The following CTNNA3 variants were observed in gnomAD, a reference collection of about 807,000 sequenced individuals.
CTNNA3 encodes the protein catenin alpha-3.
CTNNA3 carries 76 observed loss-of-function variants against 95.7 expected under a neutral mutation model. That is an observed-to-expected ratio of 0.79 (90% CI 0.66 to 0.96). The LOEUF (loss-of-function observed/expected upper bound fraction) is 0.96, where lower values mean the gene tolerates loss of function less well. Among genes scored for constraint, CTNNA3 ranks in the 40% least tolerant of loss-of-function variants. CTNNA3 has a pLI of 0.00. For synonymous variants in CTNNA3, 431 were observed against 374.4 expected, an observed-to-expected ratio of 1.15 and a Z score of -1.74; for missense variants, 1,191 against 1,089.8, an observed-to-expected ratio of 1.09 and a Z score of -1.31.
intron 2 of CTNNA3, among the ~76,000 whole-genome samples, chr10:67,642,725 A>G (rs1279364411): frequency 3.3e-5 from 5 of 152,072 alleles, no homozygotes; most frequent in African/African-American, 1.2e-4. Context: ...TCAAAAAAAA[A>G]AAGTTCAACA....
At chr10:66,396,269 G>T (rs1432980892) in intron 11 of CTNNA3, among the ~76,000 whole-genome samples, 1 of 151,868 alleles carries the variant, frequency 6.6e-6, no homozygotes, top group African/African-American at 2.4e-5. Flanking sequence ...TTATTGAACT[G>T]AATAAACTAT....
chr10:67,351,226 G>A (rs1842626414), intron 5 of CTNNA3, among the ~76,000 whole-genome samples: 1 of 151,740 alleles, frequency 6.6e-6, no homozygotes. Flanking sequence ...ACTTCAAAGG[G>A]AGAAGATAAG....
intron 16 of CTNNA3, among the ~76,000 whole-genome samples, chr10:65,982,865 T>C (rs932728391): frequency 6.6e-6 from 1 of 151,364 alleles, no homozygotes; most frequent in African/African-American, 2.4e-5. Context: ...ATTATATCCT[T>C]AGGAGTTGTG....
intron 11 of CTNNA3, among the ~76,000 whole-genome samples, chr10:66,426,902 T>A (rs777094578): frequency 6.6e-6 from 1 of 151,720 alleles, no homozygotes; most frequent in Admixed American, 6.6e-5. Context: ...TTTTTTCATA[T>A]ATATTTTAAA....
chr10:66,605,627 A>G (rs1428860175), intron 10 of CTNNA3, among the ~76,000 whole-genome samples: 1 of 152,210 alleles, frequency 6.6e-6, no homozygotes, highest in Non-Finnish European at 1.5e-5. Context: ...AAACCCTACA[A>G]GCCAGAAGAG....
intron 7 of CTNNA3, among the ~76,000 whole-genome samples, chr10:66,992,519 T>C (rs1340538994): frequency 6.6e-6 from 1 of 152,042 alleles, no homozygotes; most frequent in African/African-American, 2.4e-5. Context: ...GTTCTTCCAG[T>C]TTGTGGCTTG....
At chr10:66,194,971 T>C (rs1292764574) in intron 13 of CTNNA3, among the ~76,000 whole-genome samples, 1 of 152,250 alleles carries the variant, frequency 6.6e-6, no homozygotes, top group Non-Finnish European at 1.5e-5. Flanking sequence ...CTTAATTTGC[T>C]GTATGAAGTA....
chr10:66,140,608 TG>T (rs1286664066), intron 13 of CTNNA3, among the ~76,000 whole-genome samples: 1 of 152,230 alleles, frequency 6.6e-6, no homozygotes, highest in Non-Finnish European at 1.5e-5. Context: ...AATGACCTAT[TG>T]TTTATTGGTC....
chr10:66,150,465 A>T (rs1401393335), intron 13 of CTNNA3, among the ~76,000 whole-genome samples: 2 of 152,002 alleles, frequency 1.3e-5, no homozygotes, highest in African/African-American at 4.8e-5. Context: ...ATGGTCTTTT[A>T]AAAAAATAGC....
intron 17 of CTNNA3, among the ~76,000 whole-genome samples, chr10:65,944,300 G>A (rs551079176): frequency 6.6e-5 from 10 of 152,312 alleles, no homozygotes; most frequent in East Asian, 1.9e-4. Flanking sequence ...AGCATACTCC[G>A]AGGCACTTAA....
At chr10:66,011,120 A>G (rs549306695) in intron 15 of CTNNA3, among the ~76,000 whole-genome samples, 40 of 152,274 alleles carry the variant, frequency 2.6e-4, no homozygotes, top group African/African-American at 8.9e-4. Context: ...TTGCTTTGAA[A>G]TGAATGAAGT....
chr10:66,073,592 A>G (rs1165423534), intron 14 of CTNNA3, among the ~76,000 whole-genome samples: 1 of 152,134 alleles, frequency 6.6e-6, no homozygotes, highest in Non-Finnish European at 1.5e-5. Flanking sequence ...TTAGAAAATT[A>G]TCCTCTTTTC....
chr10:66,226,833 T>C (rs895166464), intron 13 of CTNNA3, among the ~76,000 whole-genome samples: 1 of 152,098 alleles, frequency 6.6e-6, no homozygotes, highest in Admixed American at 6.6e-5. Context: ...ATAAACATAA[T>C]TGCTTTCTTA....
chr10:65,918,789 T>C lies in CTNNA3; in HGVS notation c.*1541A>G, dbSNP rs1385055943. ...TAATAATGACCTATTAAATAGATCC[T>C]TCTTTTCCCATACCATTATGCTTAA... On this transcript the variant is annotated 3_prime_UTR_variant, in exon 18 of 18. Coordinates refer to ENST00000433211, the MANE Select transcript of CTNNA3 (RefSeq NM_013266.4). The C allele has an allele frequency of 6.6e-6, 1 of 152,176 alleles. No individual in the cohort carries two copies. The highest frequency in any genetic ancestry group is 1.5e-5 in the Non-Finnish European group (1 of 68,014). The allele number at this position is 152,176 out of a possible 1,614,324, so 9.4% of individuals were successfully genotyped here.
At chr10:66,675,313 C>T (rs1015217087) in intron 9 of CTNNA3, among the ~76,000 whole-genome samples, 1 of 151,530 alleles carries the variant, frequency 6.6e-6, no homozygotes, top group Non-Finnish European at 1.5e-5. Flanking sequence ...TCTAGTATTA[C>T]TACATACCTT....
chr10:67,132,667 C>A (rs1310515647), intron 7 of CTNNA3, among the ~76,000 whole-genome samples: 4 of 151,770 alleles, frequency 2.6e-5, no homozygotes, highest in Non-Finnish European at 5.9e-5. Flanking sequence ...AAGGAACCAA[C>A]CTAAGTGTCC....
chr10:66,116,705 G>A (rs796842354), intron 13 of CTNNA3, among the ~76,000 whole-genome samples: 1 of 152,260 alleles, frequency 6.6e-6, no homozygotes, highest in African/African-American at 2.4e-5. Context: ...AAGAAAAGAT[G>A]TTTAATCGAC....
At chr10:67,256,846 C>A (rs1266370386) in intron 5 of CTNNA3, among the ~76,000 whole-genome samples, 1 of 151,958 alleles carries the variant, frequency 6.6e-6, no homozygotes, top group Non-Finnish European at 1.5e-5. Context: ...ATTAAAAATA[C>A]CCAGTGGTAC....
intron 7 of CTNNA3, among the ~76,000 whole-genome samples, chr10:67,073,078 G>C (rs552917720): frequency 1.4e-4 from 21 of 152,256 alleles, no homozygotes; most frequent in South Asian, 8.3e-4. Flanking sequence ...CTCAGAATAA[G>C]CAAATGCCCT....
Sources: allele counts gnomAD v4.1 joint callset (sites outside exome capture counted in the v4.1 genomes callset), GRCh38; gene constraint gnomAD v4.1.1; transcripts MANE v1.5; gene names NCBI Gene and HGNC (gene_info 2026-07-23, HGNC 2026-07-21).